TEC: variants seen among roughly 807,000 people sequenced by gnomAD.
TEC encodes the protein tyrosine-protein kinase Tec.
Under a neutral mutation model 93.0 loss-of-function variants are expected in TEC, and 72 were observed. The ratio of observed to expected loss-of-function variants is 0.77; its 90% CI spans 0.64 to 0.94. TEC has a LOEUF of 0.94. Ranked by LOEUF, TEC falls within the 40% of genes least tolerant of loss-of-function variation. The probability of loss-of-function intolerance (pLI) is 0.00; values close to 1 mark genes in which losing one functional copy is unlikely to be tolerated. For missense variants in TEC, 630 were observed against 757.9 expected, an observed-to-expected ratio of 0.83 and a Z score of 1.98; for synonymous variants, 249 against 247.7, an observed-to-expected ratio of 1.01 and a Z score of -0.05.
At chr4:48,147,982 C>T (rs1461445836) in intron 11 of TEC, among the ~76,000 whole-genome samples, 9 of 152,222 alleles carry the variant, frequency 5.9e-5, no homozygotes, top group Middle Eastern at 3.4e-3. Context: ...AGCTTAGTCA[C>T]GGAAGACCAC....
chr4:48,237,791 T>A (rs1723825452), intron 1 of TEC, among the ~76,000 whole-genome samples: 1 of 152,234 alleles, frequency 6.6e-6, no homozygotes. Flanking sequence ...ACAGGTGACC[T>A]TATTTCACAT....
chr4:48,205,457 T>C (rs1293226275), intron 2 of TEC, among the ~76,000 whole-genome samples: 2 of 152,218 alleles, frequency 1.3e-5, no homozygotes, highest in East Asian at 3.8e-4. Context: ...CAGGGCTTCT[T>C]CCTCTACTCC....
intron 1 of TEC, among the ~76,000 whole-genome samples, chr4:48,258,604 C>T (rs1724407614): frequency 6.6e-6 from 1 of 152,148 alleles, no homozygotes; most frequent in Non-Finnish European, 1.5e-5. Flanking sequence ...TATTCTGATA[C>T]ACATTCTGAG....
rs1304273574 is a variant in TEC at position 48,246,982 on chromosome 4, T to C, written c.-45-18323A>G. ...AGTTCCCACAGAATGAAAAACATATTTGCAAATGATATATCTGATAATGGT... is the reference window on the plus strand; with the variant it reads ...AGTTCCCACAGAATGAAAAACATATCTGCAAATGATATATCTGATAATGGT... On this transcript the variant is annotated intron_variant, in intron 1 of 17. Transcript: ENST00000381501. Among the ~76,000 whole-genome samples, 4 of 152,246 alleles carry C rather than the reference T, an allele frequency of 2.6e-5. No individual in the cohort carries two copies. The East Asian group carries it at 7.7e-4, about 29-fold the overall frequency.
chr4:48,176,249 T>C, intron 2 of TEC, 63 bp from the exon 3 acceptor site: 3 of 1,285,756 alleles, frequency 2.3e-6, no homozygotes, highest in Non-Finnish European at 3.3e-6. Context: ...AACAGTAATA[T>C]TGTTAAGGAA....
chr4:48,158,793 A>G (rs968882143), intron 8 of TEC, among the ~76,000 whole-genome samples: 2 of 152,158 alleles, frequency 1.3e-5, no homozygotes, highest in Non-Finnish European at 2.9e-5. Context: ...AGCTCCTCAG[A>G]AGGAGGAGGA....
intron 1 of TEC, among the ~76,000 whole-genome samples, chr4:48,231,485 G>C (rs956353019): frequency 5.3e-5 from 8 of 152,150 alleles, no homozygotes; most frequent in Non-Finnish European, 1.2e-4. Flanking sequence ...GGCCGGGCAC[G>C]GTGGCTCACG....
intron 2 of TEC, among the ~76,000 whole-genome samples, chr4:48,210,781 T>A (rs2109610997): frequency 6.6e-6 from 1 of 152,270 alleles, no homozygotes; most frequent in South Asian, 2.1e-4. Flanking sequence ...CAGATCAATT[T>A]AAAGAGTGAA....
chr4:48,234,256 A>G (rs1723719916), intron 1 of TEC, among the ~76,000 whole-genome samples: 1 of 152,250 alleles, frequency 6.6e-6, no homozygotes, highest in African/African-American at 2.4e-5. Context: ...AGGCTTTAAC[A>G]ATTTTCTCTT....
chr4:48,178,779 C>G (rs1333158649), intron 2 of TEC, among the ~76,000 whole-genome samples: 2 of 152,114 alleles, frequency 1.3e-5, no homozygotes, highest in Non-Finnish European at 2.9e-5. Flanking sequence ...CAGGGCTCTC[C>G]TATCCAAACC....
At chr4:48,248,939 C>T (rs2109665826) in intron 1 of TEC, among the ~76,000 whole-genome samples, 2 of 150,696 alleles carry the variant, frequency 1.3e-5, no homozygotes, top group Admixed American at 6.6e-5. Flanking sequence ...CTACTACACA[C>T]TGAAAACCAG....
Position 48,149,758 on chromosome 4 carries a change from C to G in TEC, c.873-68G>C, listed in dbSNP as rs937185968. 3.3e-6 allele frequency: 5 copies of G among 1,492,562 alleles called. No homozygotes were observed. In the Admixed American group the frequency reaches 6.5e-5, roughly 19 times the overall value. The allele number at this position is 1,492,562 out of a possible 1,614,324, so 92.5% of individuals were successfully genotyped here. A position where few individuals can be genotyped will look rare whatever the true frequency, so the allele number is the denominator to read the frequency against. On this transcript the variant is annotated intron_variant, in intron 10 of 17. Coordinates refer to ENST00000381501, the MANE Select transcript of TEC (RefSeq NM_003215.3). ...TAGAACTTCATTCTTAAGATGTTTT[C>G]TACAAGGGCAACCACAGTGTCTCTC...
intron 2 of TEC, among the ~76,000 whole-genome samples, chr4:48,223,360 T>C (rs1173787959): frequency 2.6e-5 from 4 of 152,184 alleles, no homozygotes; most frequent in Non-Finnish European, 1.5e-5. Flanking sequence ...TTAAGATGTT[T>C]AGATTTTTTT....
At chr4:48,269,683 C>G (rs4095347) in intron 1 of TEC, 69 bp downstream of exon 1, 142,174 of 152,288 alleles carry the variant, frequency 0.93, 67,176 homozygotes, top group East Asian at 1. Flanking sequence ...GCTCATCCCC[C>G]TCCCCACCCG....
At chr4:48,159,768 T>C (rs1720549987) in intron 8 of TEC, among the ~76,000 whole-genome samples, 1 of 152,170 alleles carries the variant, frequency 6.6e-6, no homozygotes, top group African/African-American at 2.4e-5. Context: ...CAGGCTGGTC[T>C]ACTGACCTCA....
intron 2 of TEC, among the ~76,000 whole-genome samples, chr4:48,188,035 A>AGG (rs35823953): frequency 2.6e-5 from 4 of 152,148 alleles, no homozygotes; most frequent in South Asian, 2.1e-4. Flanking sequence ...GTTCTAGCCA[A>AGG]GGGGGGCATG....
At chr4:48,158,692 A>T (rs891248610) in intron 8 of TEC, among the ~76,000 whole-genome samples, 2 of 152,258 alleles carry the variant, frequency 1.3e-5, no homozygotes, top group African/African-American at 4.8e-5. Flanking sequence ...AGATACAAGA[A>T]ATCAGTGAAG....
At position 48,199,455 on chromosome 4, in the gene TEC, C is replaced by CTTTTTTTTTT. The variant is rs34965891; in HGVS notation, c.139-23279_139-23270dup. Among the ~76,000 whole-genome samples the CTTTTTTTTTT allele has an allele frequency of 9.6e-4, 65 of 67,358 alleles. 4 individuals carry two copies. The highest frequency in any genetic ancestry group is 2.4e-3 in the East Asian group (5 of 2,096). The allele number at this position is 67,358 out of a possible 152,430, so 44.2% of individuals were successfully genotyped here. A position where few individuals can be genotyped will look rare whatever the true frequency, so the allele number is the denominator to read the frequency against. On this transcript the variant is annotated intron_variant, in intron 2 of 17. Coordinates refer to ENST00000381501, the MANE Select transcript of TEC (RefSeq NM_003215.3). ...CTGGGCTACAGAAAGGATTTTCTTT[C>CTTTTTTTTTT]TTTTTTTTTTTTTTTTTTTTTTTTT... is the stretch of plus-strand genomic sequence containing the variant.
At position 48,145,113 on chromosome 4, in the gene TEC, T is replaced by G. The variant is rs761110899; in HGVS notation, c.1436A>C (p.Tyr479Ser). Reference sequence around the variant, plus strand: ...GTGGATGAAGCTGTTTCTCTCCAGATACTCCATCCCTTCACACACATCCTG... The same window carrying G: ...GTGGATGAAGCTGTTTCTCTCCAGAGACTCCATCCCTTCACACACATCCTG... ...MCQDVCEGME[Y>S]LERNSFIHRD... Residue 479 changes from tyrosine to serine, a missense_variant, in exon 14 of 18, where the codon TAT becomes TCT. This residue lies in a region of TEC where 289 missense variants were observed against 390.0 expected (regional missense o/e 0.74). Transcript: ENST00000381501. 7 of 1,613,894 alleles carry G rather than the reference T, an allele frequency of 4.3e-6. No individual in the cohort carries two copies. The highest frequency in any genetic ancestry group is 5.9e-6 in the Non-Finnish European group (7 of 1,179,894).
Sources: gnomAD v4.1 joint callset for allele counts (sites outside exome capture counted in the v4.1 genomes callset) on GRCh38, gnomAD v4.1.1 for gene constraint, gnomAD v4.1.1 regional missense constraint, MANE v1.5 for transcripts, NCBI Gene and HGNC (gene_info 2026-07-23, HGNC 2026-07-21) for gene names.